REV3L: variants seen among roughly 807,000 people sequenced by gnomAD.
The protein encoded by REV3L is DNA polymerase zeta catalytic subunit.
Under a neutral mutation model 299.4 loss-of-function variants are expected in REV3L, and 69 were observed. The ratio of observed to expected loss-of-function variants is 0.23; its 90% CI spans 0.19 to 0.28. The LOEUF is 0.28. REV3L is among the 10% of genes least tolerant of loss of function. REV3L has a pLI of 1.00. For synonymous variants in REV3L, 1,238 were observed against 1,271.4 expected (o/e 0.97, Z 0.56); for missense variants, 3,128 against 3,693.8 (o/e 0.85, Z 3.97).
Position 111,372,877 on chromosome 6 carries a change from A to G in REV3L, c.5478T>C (p.Asp1826=), listed in dbSNP as rs764571442. 3.7e-6 allele frequency: 6 copies of G among 1,614,034 alleles called. No individual in the cohort carries two copies. Among genetic ancestry groups the G allele is most frequent in the Non-Finnish European group, 5.1e-6 (6 of 1,180,020 alleles). Residue 1826 remains aspartate (D), a synonymous_variant, in exon 13 of 32, where the codon GAT becomes GAC. Coordinates refer to ENST00000368802, the MANE Select transcript of REV3L (RefSeq NM_001372078.1). ...CACAGGCCACGTCTACAAGTTCACC[A>G]TCAGGGGAGGAGAGTATTGCAGTAA... The part of the protein sequence containing the change: ...TSFTAILSSP[D]GELVDVACED...
chr6:111,386,038 T>G (rs1313650219), intron 9 of REV3L, among the ~76,000 whole-genome samples: 1 of 152,228 alleles, frequency 6.6e-6, no homozygotes, highest in Non-Finnish European at 1.5e-5. Context: ...ACTTTTATTA[T>G]TGTCTTGTTT....
intron 1 of REV3L, among the ~76,000 whole-genome samples, chr6:111,420,934 A>T (rs1383098356): frequency 6.6e-6 from 1 of 152,044 alleles, no homozygotes; most frequent in Non-Finnish European, 1.5e-5. Context: ...AGGTCAGGAG[A>T]TCAAGACCAT....
intron 1 of REV3L, among the ~76,000 whole-genome samples, chr6:111,441,163 T>C (rs981777182): frequency 2.0e-5 from 3 of 152,228 alleles, no homozygotes; most frequent in Non-Finnish European, 4.4e-5. Flanking sequence ...TCATTTCTGT[T>C]ATAGATTTTA....
intron 1 of REV3L, among the ~76,000 whole-genome samples, chr6:111,429,101 T>C (rs1786539503): frequency 6.6e-6 from 1 of 152,108 alleles, no homozygotes; most frequent in African/African-American, 2.4e-5. Flanking sequence ...TTTAAAAAAA[T>C]GCCATCTAAG....
Position 111,380,226 on chromosome 6 carries a change from AACAAGT to A in REV3L, c.1217-13_1217-8del. ...TCATCAGGACTACTGTCCACTATAA[AACAAGT>A]ACAATAATCACCAACAAATAAGTTT... On this transcript the variant is annotated splice_polypyrimidine_tract_variant and splice_region_variant and intron_variant, in intron 10 of 31. Transcript: ENST00000368802. 1 of 1,571,220 alleles carries A rather than the reference AACAAGT, an allele frequency of 6.4e-7. No individual in the cohort carries two copies. Among genetic ancestry groups the A allele is most frequent in the Non-Finnish European group, 8.7e-7 (1 of 1,144,784 alleles).
At chr6:111,318,372 T>C (rs1266033186) in intron 26 of REV3L, among the ~76,000 whole-genome samples, 1 of 152,082 alleles carries the variant, frequency 6.6e-6, no homozygotes, top group East Asian at 1.9e-4. Flanking sequence ...ATGGTCTCCA[T>C]CTGCCCGCCT....
intron 28 of REV3L, chr6:111,313,100 C>T: frequency 3.3e-6 from 1 of 307,344 alleles, no homozygotes; most frequent in Non-Finnish European, 5.9e-6. Flanking sequence ...GAGGTCAAGG[C>T]TGCAGTGAGC....
chr6:111,306,680 T>C (rs1772344758), intron 31 of REV3L, among the ~76,000 whole-genome samples: 1 of 152,184 alleles, frequency 6.6e-6, no homozygotes, highest in Admixed American at 6.5e-5. Context: ...GAACAGTCTG[T>C]GGCACACAGT....
chr6:111,427,256 A>G (rs1384535911), intron 1 of REV3L, among the ~76,000 whole-genome samples: 1 of 152,216 alleles, frequency 6.6e-6, no homozygotes, highest in Non-Finnish European at 1.5e-5. Context: ...GCTGAATACT[A>G]AAGGACCTTA....
chr6:111,313,281 G>A, intron 28 of REV3L, 71 bp downstream of exon 28: 2 of 1,403,964 alleles, frequency 1.4e-6, no homozygotes, highest in Non-Finnish European at 1.9e-6. Context: ...ATGTTTAAGG[G>A]TAGTTACATT....
rs537181408 is a variant in REV3L at position 111,480,844 on chromosome 6, T to G, written c.139+1906A>C. 2.0e-3 allele frequency among the ~76,000 whole-genome samples: 295 copies of G among 150,336 alleles called. 1 individual carries two copies. The highest frequency in any genetic ancestry group is 0.01 in the Middle Eastern group (3 of 286). ...CTTTGGTTTTTTCGTTTTTGTTTTT[T>G]TTTTTTTTTTTAAGGTGCTGGTAAT... On this transcript the variant is annotated intron_variant, in intron 1 of 31. Coordinates refer to ENST00000368802, the MANE Select transcript of REV3L (RefSeq NM_001372078.1).
chr6:111,461,518 C>G (rs530932236), intron 1 of REV3L, among the ~76,000 whole-genome samples: 2 of 151,736 alleles, frequency 1.3e-5, no homozygotes, highest in Admixed American at 6.6e-5. Context: ...TTTATTATAA[C>G]CTACATGAAC....
chr6:111,314,888 G>A (rs1367462728), intron 27 of REV3L, among the ~76,000 whole-genome samples: 1 of 88,478 alleles, frequency 1.1e-5, no homozygotes, highest in Non-Finnish European at 2.3e-5. Context: ...GTCTTACTTT[G>A]TTCCCCAGGC....
intron 1 of REV3L, chr6:111,431,525 C>A (rs1276507881): frequency 1.6e-5 from 14 of 849,416 alleles, no homozygotes. Context: ...TGTTTCAACA[C>A]CAGACCCCCT....
intron 9 of REV3L, among the ~76,000 whole-genome samples, chr6:111,383,842 T>C (rs1781069028): frequency 6.6e-6 from 1 of 152,094 alleles, no homozygotes; most frequent in South Asian, 2.1e-4. Context: ...GAGGTCACAT[T>C]ACCTGACTTC....
intron 1 of REV3L, among the ~76,000 whole-genome samples, chr6:111,442,696 A>G (rs1173750795): frequency 6.6e-6 from 1 of 151,890 alleles, no homozygotes; most frequent in African/African-American, 2.4e-5. Flanking sequence ...TTTTCCCCTA[A>G]CCTGCTCTCT....
At chr6:111,445,328 C>T (rs1788718855) in intron 1 of REV3L, among the ~76,000 whole-genome samples, 1 of 152,106 alleles carries the variant, frequency 6.6e-6, no homozygotes, top group Non-Finnish European at 1.5e-5. Context: ...GCCTCAGCAT[C>T]ATGCAATATA....
At chr6:111,393,794 G>C (rs1295889969) in intron 4 of REV3L, among the ~76,000 whole-genome samples, 2 of 152,002 alleles carry the variant, frequency 1.3e-5, no homozygotes, top group Non-Finnish European at 2.9e-5. Context: ...AGCCTCCCAT[G>C]TAGCTGAGAC....
chr6:111,374,319 A>T lies in REV3L; in HGVS notation c.4036T>A (p.Phe1346Ile), dbSNP rs370635217. 91 of 1,613,856 alleles carry T rather than the reference A, an allele frequency of 5.6e-5. No individual in the cohort carries two copies. The highest frequency in any genetic ancestry group is 7.1e-5 in the Non-Finnish European group (84 of 1,179,942). Residue 1346 changes from phenylalanine to isoleucine, a missense_variant, in exon 13 of 32, where the codon TTT (phenylalanine) becomes ATT (isoleucine). Physicochemically the swap from Phe to Ile is conservative, Grantham distance 21. Coordinates refer to ENST00000368802, the MANE Select transcript of REV3L (RefSeq NM_001372078.1). The part of the protein sequence containing the change: ...VQRPHNQSAM[F>I]TLKESTLIQK... ...ATTAACGTTGATTCCTTTAGAGTAA[A>T]CATAGCACTTTGATTATGAGGCCTT... is the stretch of plus-strand genomic sequence containing the variant.
Sources: allele counts gnomAD v4.1 joint callset (sites outside exome capture counted in the v4.1 genomes callset), GRCh38; gene constraint gnomAD v4.1.1; transcripts MANE v1.5; gene names NCBI Gene and HGNC (gene_info 2026-07-23, HGNC 2026-07-21).